BBS9: variants seen among roughly 807,000 people sequenced by gnomAD.
The protein encoded by BBS9 is protein PTHB1.
Under a neutral mutation model 117.7 loss-of-function variants are expected in BBS9, and 89 were observed. The ratio of observed to expected loss-of-function variants is 0.76; its 90% CI spans 0.64 to 0.90. The LOEUF (loss-of-function observed/expected upper bound fraction) is 0.90, where lower values mean the gene tolerates loss of function less well. Ranked by LOEUF, BBS9 falls within the 40% of genes least tolerant of loss-of-function variation. The pLI, the probability that BBS9 is intolerant of heterozygous loss-of-function variation, is 0.00. For synonymous variants in BBS9, 379 were observed against 370.9 expected (o/e 1.02, Z -0.25); for missense variants, 982 against 1,042.2 (o/e 0.94, Z 0.80).
At chr7:33,466,597 A>G (rs1485172634) in intron 19 of BBS9, among the ~76,000 whole-genome samples, 1 of 152,120 alleles carries the variant, frequency 6.6e-6, no homozygotes, top group Non-Finnish European at 1.5e-5. Context: ...GGTTGTTTCC[A>G]TATCTTGGCT....
At chr7:33,423,757 G>T (rs562605665) in intron 19 of BBS9, among the ~76,000 whole-genome samples, 36 of 152,218 alleles carry the variant, frequency 2.4e-4, no homozygotes, top group African/African-American at 8.4e-4. Flanking sequence ...TCTTCTTTCA[G>T]TATGTTAATT....
At chr7:33,332,489 C>G (rs1051766148) in intron 9 of BBS9, among the ~76,000 whole-genome samples, 1 of 152,076 alleles carries the variant, frequency 6.6e-6, no homozygotes, top group Non-Finnish European at 1.5e-5. Flanking sequence ...CCAGCCTGGC[C>G]AAAATGGCAA....
chr7:33,323,358 G>A (rs900393756), intron 9 of BBS9, among the ~76,000 whole-genome samples: 8 of 151,900 alleles, frequency 5.3e-5, no homozygotes, highest in African/African-American at 1.9e-4. Flanking sequence ...TATTTTACAG[G>A]GTTCTACCTT....
chr7:33,263,088 T>C (rs148992591), intron 6 of BBS9, among the ~76,000 whole-genome samples: 1 of 95,552 alleles, frequency 1.0e-5, no homozygotes, highest in Non-Finnish European at 2.1e-5. Context: ...AATTTATATA[T>C]ATTACGTTTT....
chr7:33,513,868 C>T (rs1285399527), intron 20 of BBS9, among the ~76,000 whole-genome samples: 1 of 152,138 alleles, frequency 6.6e-6, no homozygotes, highest in Non-Finnish European at 1.5e-5. Flanking sequence ...TGCTGACAGA[C>T]ATATGGTGAA....
At chr7:33,286,223 C>G (rs1217136813) in intron 9 of BBS9, among the ~76,000 whole-genome samples, 1 of 152,050 alleles carries the variant, frequency 6.6e-6, no homozygotes, top group Non-Finnish European at 1.5e-5. Flanking sequence ...AAAAATGAAA[C>G]TCTCAATCTC....
At position 33,513,697 on chromosome 7, in the gene BBS9, CATAA is replaced by C. The variant is rs1354292916; in HGVS notation, c.2298+8060_2298+8063del. 9.9e-5 allele frequency among the ~76,000 whole-genome samples: 15 copies of C among 152,218 alleles called. No individual in the cohort carries two copies. In the South Asian group the frequency reaches 1.7e-3, roughly 17 times the overall value. ...TATAGATAGATTATAGTCAAACCAC[CATAA>C]ATAAATATTCACATACATGTTCATT... On this transcript the variant is annotated intron_variant, in intron 20 of 22. Transcript: ENST00000242067.
chr7:33,369,885 A>G (rs1371459280), intron 17 of BBS9, among the ~76,000 whole-genome samples: 1 of 152,230 alleles, frequency 6.6e-6, no homozygotes, highest in Non-Finnish European at 1.5e-5. Context: ...GAAAGAACCT[A>G]GTATTTCTTC....
intron 19 of BBS9, among the ~76,000 whole-genome samples, chr7:33,490,283 T>C (rs1843715279): frequency 6.6e-6 from 1 of 152,190 alleles, no homozygotes; most frequent in African/African-American, 2.4e-5. Flanking sequence ...GGTTTGTAGA[T>C]TTTTCTTTAT....
At chr7:33,402,968 G>A (rs1180300451) in intron 19 of BBS9, among the ~76,000 whole-genome samples, 1 of 152,084 alleles carries the variant, frequency 6.6e-6, no homozygotes, top group Non-Finnish European at 1.5e-5. Flanking sequence ...CTGTTTGTGT[G>A]AGTTAAGTAT....
intron 4 of BBS9, among the ~76,000 whole-genome samples, chr7:33,169,484 CT>C (rs1364157489): frequency 6.6e-6 from 1 of 150,962 alleles, no homozygotes; most frequent in Non-Finnish European, 1.5e-5. Flanking sequence ...CGTTTCCTGA[CT>C]TTTTAATGAT....
chr7:33,384,985 T>C (rs563354559), intron 18 of BBS9, among the ~76,000 whole-genome samples: 2 of 152,140 alleles, frequency 1.3e-5, no homozygotes, highest in South Asian at 4.1e-4. Flanking sequence ...TGTAAGAGTA[T>C]GTTTAGGTAT....
At chr7:33,149,158 G>C (rs1792903193) in intron 2 of BBS9, among the ~76,000 whole-genome samples, 1 of 152,176 alleles carries the variant, frequency 6.6e-6, no homozygotes, top group African/African-American at 2.4e-5. Flanking sequence ...TCAATGTGTA[G>C]AATAGAGGCT....
intron 21 of BBS9, among the ~76,000 whole-genome samples, chr7:33,576,617 G>C (rs557229756): frequency 6.6e-6 from 1 of 152,122 alleles, no homozygotes; most frequent in Non-Finnish European, 1.5e-5. Flanking sequence ...TAAGCAAAAA[G>C]AACAAAGCTG....
intron 17 of BBS9, among the ~76,000 whole-genome samples, chr7:33,374,424 T>C (rs954358346): frequency 2.0e-5 from 3 of 152,110 alleles, no homozygotes; most frequent in Non-Finnish European, 4.4e-5. Flanking sequence ...GAGAATAGTT[T>C]AACTTATACA....
chr7:33,139,643 G>T (rs565491448), intron 1 of BBS9, among the ~76,000 whole-genome samples: 3 of 149,520 alleles, frequency 2.0e-5, no homozygotes, highest in Non-Finnish European at 4.4e-5. Context: ...TCCTTTACTT[G>T]GTTTAGTATG....
At chr7:33,169,429 A>T (rs1324178996) in intron 4 of BBS9, among the ~76,000 whole-genome samples, 1 of 151,490 alleles carries the variant, frequency 6.6e-6, no homozygotes, top group East Asian at 1.9e-4. Flanking sequence ...TCCCACCAAC[A>T]GTGTAAAAGT....
At chr7:33,365,057 G>C (rs1191888046) in intron 16 of BBS9, among the ~76,000 whole-genome samples, 1 of 151,436 alleles carries the variant, frequency 6.6e-6, no homozygotes, top group Non-Finnish European at 1.5e-5. Flanking sequence ...TCCAAAACTT[G>C]TTATTCTTCT....
chr7:33,545,632 G>A (rs1853189264), intron 21 of BBS9, among the ~76,000 whole-genome samples: 1 of 152,066 alleles, frequency 6.6e-6, no homozygotes, highest in South Asian at 2.1e-4. Flanking sequence ...GCGATCTGCA[G>A]CTAAAATTCA....
Sources: gnomAD v4.1 joint callset for allele counts (sites outside exome capture counted in the v4.1 genomes callset) on GRCh38, gnomAD v4.1.1 for gene constraint, MANE v1.5 for transcripts, NCBI Gene and HGNC (gene_info 2026-07-23, HGNC 2026-07-21) for gene names.